Variants in SLC35F1 observed in about 807,000 individuals in gnomAD.
SLC35F1 encodes the protein solute carrier family 35 member F1, also known as chromosome 6 open reading frame 169.
In SLC35F1, 14 loss-of-function variants were observed where a neutral mutation model predicts 48.7. The ratio of observed to expected loss-of-function variants is 0.29; its 90% CI spans 0.19 to 0.45. SLC35F1 has a LOEUF of 0.45. SLC35F1 is among the 20% of genes least tolerant of loss of function. The pLI, the probability that SLC35F1 is intolerant of heterozygous loss-of-function variation, is 1.00. For synonymous variants in SLC35F1, 190 were observed against 202.2 expected, an observed-to-expected ratio of 0.94 and a Z score of 0.51; for missense variants, 404 against 500.0, an observed-to-expected ratio of 0.81 and a Z score of 1.83.
chr6:118,242,426 G>C (rs1169000847), intron 3 of SLC35F1, among the ~76,000 whole-genome samples: 1 of 152,080 alleles, frequency 6.6e-6, no homozygotes, highest in Non-Finnish European at 1.5e-5. Flanking sequence ...GCAGGAAAAA[G>C]ATGATGAAAG....
intron 1 of SLC35F1, among the ~76,000 whole-genome samples, chr6:117,983,964 AC>A (rs147507306): frequency 0.02 from 3,065 of 152,192 alleles, 107 homozygotes; most frequent in African/African-American, 0.071. Flanking sequence ...TCCTTCTTGA[AC>A]CCTTTGAGAA....
chr6:118,216,424 G>A (rs1775073352), intron 2 of SLC35F1, among the ~76,000 whole-genome samples: 1 of 148,590 alleles, frequency 6.7e-6, no homozygotes. Flanking sequence ...TTGTGTGGGA[G>A]GCAAAGAAGA....
At chr6:117,961,123 C>A (rs1776491975) in intron 1 of SLC35F1, among the ~76,000 whole-genome samples, 1 of 152,072 alleles carries the variant, frequency 6.6e-6, no homozygotes. Context: ...TTAGGTCTAG[C>A]CCCTTTCTTT....
At chr6:117,990,642 G>C (rs966896621) in intron 1 of SLC35F1, among the ~76,000 whole-genome samples, 3 of 152,214 alleles carry the variant, frequency 2.0e-5, no homozygotes, top group African/African-American at 7.2e-5. Flanking sequence ...TACTCTGTGA[G>C]CAAGTGCCTA....
At chr6:118,170,382 G>A (rs1396030431) in intron 2 of SLC35F1, among the ~76,000 whole-genome samples, 1 of 152,182 alleles carries the variant, frequency 6.6e-6, no homozygotes, top group African/African-American at 2.4e-5. Flanking sequence ...CTACAAAGAA[G>A]CCGTGGAGAG....
intron 3 of SLC35F1, among the ~76,000 whole-genome samples, chr6:118,253,833 T>A (rs1775606871): frequency 6.6e-6 from 1 of 151,878 alleles, no homozygotes; most frequent in Non-Finnish European, 1.5e-5. Flanking sequence ...GCTTGAGGAA[T>A]GAATGGAACC....
At chr6:117,950,049 C>G (rs1296126829) in intron 1 of SLC35F1, among the ~76,000 whole-genome samples, 1 of 152,182 alleles carries the variant, frequency 6.6e-6, no homozygotes, top group Non-Finnish European at 1.5e-5. Context: ...CACAGCCCTT[C>G]ATTTGGGGCT....
intron 2 of SLC35F1, among the ~76,000 whole-genome samples, chr6:118,222,266 T>C (rs2114564864): frequency 6.6e-6 from 1 of 152,326 alleles, no homozygotes; most frequent in South Asian, 2.1e-4. Context: ...AAACTTTGAG[T>C]ATCCAGCTTA....
chr6:117,950,528 G>C (rs1004941602), intron 1 of SLC35F1, among the ~76,000 whole-genome samples: 1 of 152,186 alleles, frequency 6.6e-6, no homozygotes, highest in Non-Finnish European at 1.5e-5. Flanking sequence ...TGCCATGGAA[G>C]ATCCTTGGCA....
chr6:118,110,325 G>A (rs1273011261), intron 1 of SLC35F1, among the ~76,000 whole-genome samples: 1 of 152,132 alleles, frequency 6.6e-6, no homozygotes, highest in Non-Finnish European at 1.5e-5. Flanking sequence ...AAAGCCTACG[G>A]GGAGCAGAGG....
chr6:118,266,608 A>G (rs1192822310), intron 3 of SLC35F1, among the ~76,000 whole-genome samples: 1 of 152,126 alleles, frequency 6.6e-6, no homozygotes, highest in Non-Finnish European at 1.5e-5. Flanking sequence ...TACTCGTAAA[A>G]TAGGGGGACA....
intron 1 of SLC35F1, among the ~76,000 whole-genome samples, chr6:118,049,318 G>T (rs992282728): frequency 2.4e-4 from 37 of 152,034 alleles, no homozygotes; most frequent in African/African-American, 5.1e-4. Flanking sequence ...GGACTTCATG[G>T]CTAAAACACC....
intron 1 of SLC35F1, among the ~76,000 whole-genome samples, chr6:117,966,137 C>CCCA (rs1554219370): frequency 7.1e-6 from 1 of 141,794 alleles, no homozygotes; most frequent in African/African-American, 2.6e-5. Flanking sequence ...CACCGCCCCC[C>CCCA]CCCCCACTCC....
intron 1 of SLC35F1, among the ~76,000 whole-genome samples, chr6:118,054,020 T>C (rs1772427927): frequency 6.6e-6 from 1 of 152,240 alleles, no homozygotes; most frequent in African/African-American, 2.4e-5. Flanking sequence ...CAAATGGTAC[T>C]TTATTGTTGT....
intron 2 of SLC35F1, among the ~76,000 whole-genome samples, chr6:118,168,630 T>C (rs1774353968): frequency 6.6e-6 from 1 of 152,136 alleles, no homozygotes; most frequent in Admixed American, 6.6e-5. Context: ...CTCTTAACTG[T>C]CTCGTCTTCC....
chr6:118,032,669 A>G (rs549323685), intron 1 of SLC35F1, among the ~76,000 whole-genome samples: 101 of 152,304 alleles, frequency 6.6e-4, no homozygotes, highest in Middle Eastern at 3.4e-3. Flanking sequence ...ATTCTTAGAA[A>G]TGTTATAGTT....
chr6:118,034,335 A>G (rs987575132), intron 1 of SLC35F1, among the ~76,000 whole-genome samples: 3 of 152,168 alleles, frequency 2.0e-5, no homozygotes, highest in African/African-American at 7.2e-5. Context: ...AGGCAGGCAG[A>G]TCACTTGAGG....
chr6:118,048,853 G>GA lies in SLC35F1; in HGVS notation c.174-105586dup, dbSNP rs1225814627. Among the ~76,000 whole-genome samples, 71 of 152,152 alleles carry GA rather than the reference G, an allele frequency of 4.7e-4. 1 individual carries two copies. Among genetic ancestry groups the GA allele is most frequent in the African/African-American group, 1.6e-3 (68 of 41,506 alleles). On this transcript the variant is annotated intron_variant, in intron 1 of 7. Coordinates refer to ENST00000360388, the MANE Select transcript of SLC35F1 (RefSeq NM_001029858.4). ...ACCAATGTCTTTCTTCACAGAATTGGAAAAAACTACTTTAAAGTTCATATG... is the reference window on the plus strand; with the variant it reads ...ACCAATGTCTTTCTTCACAGAATTGGAAAAAAACTACTTTAAAGTTCATATG...
At chr6:118,153,130 G>A (rs1179034317) in intron 1 of SLC35F1, among the ~76,000 whole-genome samples, 2 of 152,140 alleles carry the variant, frequency 1.3e-5, no homozygotes, top group Non-Finnish European at 2.9e-5. Context: ...GTACTGCCCA[G>A]GACTCTGTGC....
Sources: gnomAD v4.1 joint callset for allele counts (sites outside exome capture counted in the v4.1 genomes callset) on GRCh38, gnomAD v4.1.1 for gene constraint, MANE v1.5 for transcripts, NCBI Gene and HGNC (gene_info 2026-07-23, HGNC 2026-07-21) for gene names.